Variants in PTPRT observed in about 807,000 individuals in gnomAD.
The protein encoded by PTPRT is receptor-type tyrosine-protein phosphatase T.
PTPRT carries 56 observed loss-of-function variants against 176.8 expected under a neutral mutation model. The ratio of observed to expected loss-of-function variants is 0.32; its 90% CI spans 0.26 to 0.40. PTPRT has a LOEUF of 0.40. PTPRT is among the 10% of genes least tolerant of loss of function. PTPRT has a pLI of 1.00. For synonymous variants in PTPRT, 783 were observed against 739.0 expected, an observed-to-expected ratio of 1.06 and a Z score of -0.96; for missense variants, 1,540 against 1,908.2, an observed-to-expected ratio of 0.81 and a Z score of 3.60.
chr20:42,288,832 T>C (rs1259025471), intron 12 of PTPRT, among the ~76,000 whole-genome samples: 1 of 152,020 alleles, frequency 6.6e-6, no homozygotes, highest in African/African-American at 2.4e-5. Flanking sequence ...GACATACAAG[T>C]GCATGTCTCC....
intron 13 of PTPRT, among the ~76,000 whole-genome samples, chr20:42,255,988 CA>C (rs560232594): frequency 1.4e-3 from 206 of 152,276 alleles, no homozygotes; most frequent in Non-Finnish European, 2.5e-3. Context: ...CAGTTTACCC[CA>C]GTCTACTGAA....
chr20:42,156,825 G>T (rs963517315), intron 17 of PTPRT, among the ~76,000 whole-genome samples: 7 of 152,158 alleles, frequency 4.6e-5, no homozygotes, highest in Admixed American at 2.0e-4. Context: ...AGTCATCGTT[G>T]TCTGTCACCT....
chr20:42,305,961 T>C (rs2057540381), intron 12 of PTPRT, among the ~76,000 whole-genome samples: 1 of 152,204 alleles, frequency 6.6e-6, no homozygotes, highest in African/African-American at 2.4e-5. Flanking sequence ...ATATAGAAAC[T>C]GAGGCTGCTA....
chr20:42,232,921 TGA>T, intron 15 of PTPRT, among the ~76,000 whole-genome samples: 1 of 151,934 alleles, frequency 6.6e-6, no homozygotes, highest in African/African-American at 2.4e-5. Context: ...AAGTTACTTC[TGA>T]TGGCCAAATG....
chr20:43,172,012 C>A lies in PTPRT; in HGVS notation c.88+17634G>T, dbSNP rs190980276. Reference sequence around the variant, plus strand: ...CCCAGCGCAGTACAGAGAAGGGCTCCATTAACACAATTCCCTCCCCTTGCC... The same window carrying A: ...CCCAGCGCAGTACAGAGAAGGGCTCAATTAACACAATTCCCTCCCCTTGCC... On this transcript the variant is annotated intron_variant, in intron 1 of 30. Transcript: ENST00000373187. Among the ~76,000 whole-genome samples, 226 of 152,314 alleles carry A rather than the reference C, an allele frequency of 1.5e-3. 1 individual carries two copies. Among genetic ancestry groups the A allele is most frequent in the African/African-American group, 5.2e-3 (218 of 41,550 alleles).
intron 6 of PTPRT, among the ~76,000 whole-genome samples, chr20:42,695,545 A>C (rs1189476996): frequency 1.3e-5 from 2 of 152,226 alleles, no homozygotes; most frequent in Admixed American, 6.5e-5. Context: ...ATGAATAGTT[A>C]ATTTAAAATA....
intron 2 of PTPRT, among the ~76,000 whole-genome samples, chr20:42,803,541 T>C (rs1303477818): frequency 1.3e-5 from 2 of 152,204 alleles, no homozygotes; most frequent in Non-Finnish European, 2.9e-5. Flanking sequence ...AGCCTGTGCT[T>C]TTTTAATTAT....
intron 11 of PTPRT, among the ~76,000 whole-genome samples, chr20:42,319,223 T>A (rs1220377950): frequency 6.6e-6 from 1 of 151,486 alleles, no homozygotes; most frequent in Non-Finnish European, 1.5e-5. Flanking sequence ...GCAGCAAAAG[T>A]AGAAACCCAG....
At chr20:42,860,449 C>G (rs2078641730) in intron 2 of PTPRT, among the ~76,000 whole-genome samples, 1 of 152,194 alleles carries the variant, frequency 6.6e-6, no homozygotes, top group East Asian at 1.9e-4. Context: ...ATTGCTTATA[C>G]ATTTCTATTG....
intron 17 of PTPRT, among the ~76,000 whole-genome samples, chr20:42,149,742 G>C (rs1488366628): frequency 6.6e-6 from 1 of 152,170 alleles, no homozygotes; most frequent in East Asian, 1.9e-4. Flanking sequence ...TTTTAAGAGG[G>C]GTAGGCTGAG....
chr20:42,653,960 T>C lies in PTPRT; in HGVS notation c.1153+23906A>G, dbSNP rs942972541. Among the ~76,000 whole-genome samples the C allele has an allele frequency of 3.9e-5, 6 of 152,196 alleles. No homozygotes were observed. The East Asian group carries it at 1.2e-3, about 29-fold the overall frequency. On this transcript the variant is annotated intron_variant, in intron 7 of 30. Transcript: ENST00000373187. ...TACATTTTTGAGTCAACATATTGCT[T>C]TTCCAGGCCGTAAAACATTTCCATA...
Position 42,379,113 on chromosome 20 carries a change from G to A in PTPRT, c.1561-26828C>T, listed in dbSNP as rs74564694. Among the ~76,000 whole-genome samples, 497 of 152,268 alleles carry A rather than the reference G, an allele frequency of 3.3e-3. 2 individuals carry two copies. The highest frequency in any genetic ancestry group is 0.011 in the African/African-American group (472 of 41,544). On this transcript the variant is annotated intron_variant, in intron 9 of 30. Coordinates refer to ENST00000373187, the MANE Select transcript of PTPRT (RefSeq NM_007050.6). ...CTGCCTTCAGGTGCTCAACTCTGGCGTGCCCAGCCTCCCCAGTCTTATGCC... is the reference window on the plus strand; with the variant it reads ...CTGCCTTCAGGTGCTCAACTCTGGCATGCCCAGCCTCCCCAGTCTTATGCC...
chr20:43,028,099 C>T (rs914263455), intron 1 of PTPRT, among the ~76,000 whole-genome samples: 5 of 152,180 alleles, frequency 3.3e-5, no homozygotes, highest in African/African-American at 4.8e-5. Context: ...ATAAGGCAGA[C>T]GAGTCACTGC....
chr20:42,614,023 T>C (rs1038415028), intron 7 of PTPRT, among the ~76,000 whole-genome samples: 1 of 151,686 alleles, frequency 6.6e-6, no homozygotes, highest in South Asian at 2.1e-4. Context: ...GAATTTATCA[T>C]CCTATTGTTC....
At chr20:42,754,192 AAT>A (rs144667987) in intron 6 of PTPRT, among the ~76,000 whole-genome samples, 7,612 of 143,142 alleles carry the variant, frequency 0.053, 452 homozygotes, top group East Asian at 0.23. Flanking sequence ...CTTCAAAAAA[AAT>A]TTTTTTTTTG....
chr20:42,686,440 C>T (rs1411414206), intron 6 of PTPRT: 1 of 142,208 alleles, frequency 7.0e-6, no homozygotes, highest in Non-Finnish European at 1.5e-5. Context: ...TCTAGCACTT[C>T]CAGCTCATAG....
chr20:42,038,015 C>T, the PTPRT span, among the ~76,000 whole-genome samples: 1 of 152,142 alleles, frequency 6.6e-6, no homozygotes, highest in Non-Finnish European at 1.5e-5. Flanking sequence ...GTATCATCAC[C>T]ACACCCTACA....
chr20:42,707,395 A>C (rs1455549015), intron 6 of PTPRT, among the ~76,000 whole-genome samples: 1 of 152,136 alleles, frequency 6.6e-6, no homozygotes, highest in African/African-American at 2.4e-5. Context: ...GACTCTAAGA[A>C]AGGGAGATTA....
At chr20:42,666,517 C>A (rs930149699) in intron 7 of PTPRT, among the ~76,000 whole-genome samples, 1 of 152,086 alleles carries the variant, frequency 6.6e-6, no homozygotes, top group African/African-American at 2.4e-5. Context: ...CCTGTATTTT[C>A]TTTCAGATCA....
Sources: gnomAD v4.1 joint callset for allele counts (sites outside exome capture counted in the v4.1 genomes callset) on GRCh38, gnomAD v4.1.1 for gene constraint, MANE v1.5 for transcripts, NCBI Gene and HGNC (gene_info 2026-07-23, HGNC 2026-07-21) for gene names.